APOBEC2: variants seen among roughly 807,000 people sequenced by gnomAD.
The protein encoded by APOBEC2 is apolipoprotein B mRNA editing enzyme catalytic subunit 2, also known as C->U-editing enzyme APOBEC-2.
Under a neutral mutation model 19.4 loss-of-function variants are expected in APOBEC2, and 14 were observed. That is an observed-to-expected ratio of 0.72 (90% CI 0.48 to 1.13). The LOEUF is 1.13. Ranked by LOEUF, APOBEC2 falls within the 50% of genes most tolerant of loss-of-function variation. The probability of loss-of-function intolerance (pLI) is 0.00; values close to 1 mark genes in which losing one functional copy is unlikely to be tolerated. For synonymous variants in APOBEC2, 127 were observed against 112.1 expected, an observed-to-expected ratio of 1.13 and a Z score of -0.84; for missense variants, 304 against 277.0, an observed-to-expected ratio of 1.10 and a Z score of -0.69.
In APOBEC2 at chr6:41,061,586, G is replaced by T; in HGVS notation, c.390G>T (p.Ala130=). 1 of 1,614,204 alleles carries T rather than the reference G, an allele frequency of 6.2e-7. No homozygotes were observed. The highest frequency in any genetic ancestry group is 2.2e-5 in the East Asian group (1 of 44,888). Residue 130 remains alanine (A), a synonymous_variant, in exon 2 of 3, where the codon GCG becomes GCT. Coordinates refer to ENST00000244669, the MANE Select transcript of APOBEC2 (RefSeq NM_006789.4). Reference sequence around the variant, plus strand: ...ATGTGTCCTCCAGCCCCTGTGCAGCGTGTGCTGACCGCATTATCAAAACCC... The same window carrying T: ...ATGTGTCCTCCAGCCCCTGTGCAGCTTGTGCTGACCGCATTATCAAAACCC... ...TWYVSSSPCA[A]CADRIIKTLS... is the part of the protein sequence containing the mutation.
intron 1 of APOBEC2, 92 bp from the exon 2 acceptor site, chr6:41,061,236 A>G (rs1032943117): frequency 9.9e-7 from 1 of 1,009,176 alleles, no homozygotes; most frequent in Non-Finnish European, 1.4e-6. Flanking sequence ...GCATTTCTGA[A>G]GTACTGACCT....
chr6:41,053,655 G>A (rs897701860), intron 1 of APOBEC2, among the ~76,000 whole-genome samples, 177 bp downstream of exon 1: 3 of 152,152 alleles, frequency 2.0e-5, no homozygotes, highest in Non-Finnish European at 4.4e-5. Flanking sequence ...AATTCTCTTG[G>A]CTTCTCAGGG....
Position 41,061,337 on chromosome 6 carries a change from G to A in APOBEC2, c.141G>A (p.Leu47=). ...PPFEIVTGER[L]PANFFKFQFR... is the part of the protein sequence containing the mutation. ...TCTCCTTGACCTACAGAGAACGGCT[G>A]CCTGCCAACTTCTTTAAATTCCAGT... The change falls in exon 2 of 3, where the codon CTG becomes CTA. Residue 47 remains leucine (L), a synonymous_variant. Transcript: ENST00000244669. The A allele has an allele frequency of 1.3e-6, 2 of 1,527,140 alleles. No individual in the cohort carries two copies. The highest frequency in any genetic ancestry group is 8.8e-7 in the Non-Finnish European group (1 of 1,138,588). 94.6% of individuals were successfully genotyped at this position (1,527,140 alleles called of 1,614,324 possible).
At chr6:41,056,469 C>T (rs1026906281) in intron 1 of APOBEC2, among the ~76,000 whole-genome samples, 1 of 152,242 alleles carries the variant, frequency 6.6e-6, no homozygotes, top group Non-Finnish European at 1.5e-5. Context: ...TTAGATTACT[C>T]ACTCTTTCAG....
At chr6:41,058,802 AGCAAGTTTAGTCTCT>A (rs1043809326) in intron 1 of APOBEC2, among the ~76,000 whole-genome samples, 1 of 152,208 alleles carries the variant, frequency 6.6e-6, no homozygotes, top group African/African-American at 2.4e-5. Flanking sequence ...TCAGAAATCA[AGCAAGTTTAGTCTCT>A]GAGCAAGCCC....
intron 1 of APOBEC2, among the ~76,000 whole-genome samples, chr6:41,060,142 C>T (rs1359098959): frequency 1.3e-5 from 2 of 152,018 alleles, no homozygotes; most frequent in African/African-American, 4.8e-5. Context: ...TTTTTCTTCT[C>T]CTTGTTATTA....
intron 1 of APOBEC2, among the ~76,000 whole-genome samples, chr6:41,054,977 G>A (rs1762776239): frequency 6.6e-6 from 1 of 152,182 alleles, no homozygotes; most frequent in Admixed American, 6.5e-5. Context: ...ATCCTGAAGG[G>A]TTAAGTCCAC....
chr6:41,062,520 T>G (rs945855791), intron 2 of APOBEC2, among the ~76,000 whole-genome samples: 1 of 152,222 alleles, frequency 6.6e-6, no homozygotes, highest in Non-Finnish European at 1.5e-5. Context: ...ACGGGAACAT[T>G]TTCCTTATGT....
intron 2 of APOBEC2, among the ~76,000 whole-genome samples, chr6:41,063,096 A>G (rs1201528840): frequency 6.6e-6 from 1 of 152,232 alleles, no homozygotes; most frequent in East Asian, 1.9e-4. Context: ...AGGAAATATC[A>G]ATGTTCCAGA....
At chr6:41,063,752 G>A (rs1762912079) in intron 2 of APOBEC2, among the ~76,000 whole-genome samples, 1 of 145,792 alleles carries the variant, frequency 6.9e-6, no homozygotes, top group South Asian at 2.2e-4. Flanking sequence ...TGAGAAATGA[G>A]CATTTGTTAA....
intron 1 of APOBEC2, among the ~76,000 whole-genome samples, chr6:41,059,721 G>A (rs1486955935): frequency 6.6e-6 from 1 of 152,126 alleles, no homozygotes; most frequent in African/African-American, 2.4e-5. Flanking sequence ...GATGGGTGGG[G>A]GTGAGGGAAT....
chr6:41,054,211 C>G (rs2268196), intron 1 of APOBEC2, among the ~76,000 whole-genome samples: 59,175 of 152,104 alleles, frequency 0.39, 12,168 homozygotes, highest in African/African-American at 0.52. Context: ...TCTGTCTTAT[C>G]CAGATTATGC....
chr6:41,058,941 G>A (rs1762838347), intron 1 of APOBEC2, among the ~76,000 whole-genome samples: 1 of 152,154 alleles, frequency 6.6e-6, no homozygotes, highest in Non-Finnish European at 1.5e-5. Context: ...GTAGATTCTA[G>A]GGCTGCTGGC....
intron 2 of APOBEC2, among the ~76,000 whole-genome samples, chr6:41,063,224 G>A (rs1762901699): frequency 6.6e-6 from 1 of 152,144 alleles, no homozygotes; most frequent in Admixed American, 6.5e-5. Flanking sequence ...TAAAAAGCAG[G>A]ACCCAGTCAC....
chr6:41,061,681 T>A lies in APOBEC2; in HGVS notation c.485T>A (p.Ile162Asn). Residue 162 changes from isoleucine to asparagine, a missense_variant, in exon 2 of 3, where the codon ATC (isoleucine) becomes AAC (asparagine). Ile to Asn is a moderately radical substitution (Grantham distance 149, BLOSUM62 -3). Coordinates refer to ENST00000244669, the MANE Select transcript of APOBEC2 (RefSeq NM_006789.4). ...GRLFMWEEPE[I>N]QAALKKLKEA... The stretch of plus-strand genomic sequence containing the variant: ...CTCTTCATGTGGGAGGAGCCGGAGA[T>A]CCAGGCTGCTCTGAAGAAGCTGAAG... 1 of 1,614,208 alleles carries A rather than the reference T, an allele frequency of 6.2e-7. No individual in the cohort carries two copies. The highest frequency in any genetic ancestry group is 8.5e-7 in the Non-Finnish European group (1 of 1,180,040).
intron 1 of APOBEC2, 140 bp from the exon 2 acceptor site, chr6:41,061,188 G>A: frequency 5.5e-6 from 1 of 181,418 alleles, no homozygotes; most frequent in South Asian, 1.8e-4. Context: ...TGTCACTGAT[G>A]TTACCACAGA....
intron 2 of APOBEC2, among the ~76,000 whole-genome samples, chr6:41,062,499 G>A (rs1762888941): frequency 6.6e-6 from 1 of 152,200 alleles, no homozygotes; most frequent in African/African-American, 2.4e-5. Flanking sequence ...ATTGCTGTGT[G>A]AAAATACAAT....
At position 41,061,897 on chromosome 6, in the gene APOBEC2, G is replaced by A. The variant is rs1341794378; in HGVS notation, c.*21+5G>A. ...GGCAACTGGGCTTTGCCTCACGTGAGTTTTCCTGGTGCCATGGCACCAACA... is the reference window on the plus strand; with the variant it reads ...GGCAACTGGGCTTTGCCTCACGTGAATTTTCCTGGTGCCATGGCACCAACA... On this transcript the variant is annotated splice_donor_5th_base_variant and intron_variant, in intron 2 of 2. Coordinates refer to ENST00000244669, the MANE Select transcript of APOBEC2 (RefSeq NM_006789.4). 6.3e-7 allele frequency: 1 copy of A among 1,596,056 alleles called. No homozygotes were observed. The highest frequency in any genetic ancestry group is 1.7e-5 in the Admixed American group (1 of 58,592).
In APOBEC2 at chr6:41,061,557, T is replaced by C. The variant is rs764916970; in HGVS notation, c.361T>C (p.Trp121Arg). The change falls in exon 2 of 3, where the codon TGG (tryptophan) becomes CGG (arginine). Residue 121 changes from tryptophan to arginine, a missense_variant. Physicochemically the swap from Trp to Arg is moderately radical, Grantham distance 101. Transcript: ENST00000244669. Reference sequence around the variant, plus strand: ...CCCAGCCCTGCGGTACAATGTCACCTGGTATGTGTCCTCCAGCCCCTGTGC... The same window carrying C: ...CCCAGCCCTGCGGTACAATGTCACCCGGTATGTGTCCTCCAGCCCCTGTGC... Reference protein sequence around the residue: ...FDPALRYNVTWYVSSSPCAAC... With the variant: ...FDPALRYNVTRYVSSSPCAAC... The C allele has an allele frequency of 1.2e-6, 2 of 1,614,090 alleles. No individual in the cohort carries two copies. The highest frequency in any genetic ancestry group is 4.5e-5 in the East Asian group (2 of 44,896).
Sources: allele counts gnomAD v4.1 joint callset (sites outside exome capture counted in the v4.1 genomes callset), GRCh38; gene constraint gnomAD v4.1.1; transcripts MANE v1.5; gene names NCBI Gene and HGNC (gene_info 2026-07-23, HGNC 2026-07-21).